CAMK2D: variants seen among roughly 807,000 people sequenced by gnomAD.
The protein encoded by CAMK2D is calcium/calmodulin-dependent protein kinase type II subunit delta.
In CAMK2D, 37 loss-of-function variants were observed where a neutral mutation model predicts 84.0. The observed-to-expected ratio is 0.44, with a 90% CI of 0.34 to 0.58. The LOEUF (loss-of-function observed/expected upper bound fraction) is 0.58, where lower values mean the gene tolerates loss of function less well. Among genes scored for constraint, CAMK2D ranks in the 20% least tolerant of loss-of-function variants. The pLI is 0.02. For missense variants in CAMK2D, 448 were observed against 652.5 expected (o/e 0.69, Z 3.41); for synonymous variants, 202 against 212.5 (o/e 0.95, Z 0.43).
At chr4:113,751,862 C>T (rs6824215) in intron 2 of CAMK2D, among the ~76,000 whole-genome samples, 2,400 of 151,950 alleles carry the variant, frequency 0.016, 72 homozygotes, top group African/African-American at 0.055. Context: ...ATAAATTAAG[C>T]ATTGCCTATA....
intron 3 of CAMK2D, among the ~76,000 whole-genome samples, chr4:113,657,739 C>T (rs555940042): frequency 6.6e-6 from 1 of 152,216 alleles, no homozygotes; most frequent in South Asian, 2.1e-4. Context: ...AAACCTTTTG[C>T]TTGCTGCAAG....
chr4:113,639,509 G>C (rs2099123716), intron 3 of CAMK2D, among the ~76,000 whole-genome samples: 1 of 152,136 alleles, frequency 6.6e-6, no homozygotes, highest in South Asian at 2.1e-4. Context: ...GAAAAAGGAA[G>C]CCCTGCACCA....
chr4:113,515,050 T>G lies in CAMK2D; in HGVS notation c.819+19A>C. 1 of 1,609,690 alleles carries G rather than the reference T, an allele frequency of 6.2e-7. No homozygotes were observed. The highest frequency in any genetic ancestry group is 1.1e-5 in the South Asian group (1 of 90,968). ...ATTTTTCATTTTAGTTCTTGAAGTTTTGGAGAAGTTTTACTTACACAGATC... is the reference window on the plus strand; with the variant it reads ...ATTTTTCATTTTAGTTCTTGAAGTTGTGGAGAAGTTTTACTTACACAGATC... On this transcript the variant is annotated intron_variant, in intron 10 of 20. Coordinates refer to ENST00000511664, the MANE Select transcript of CAMK2D (RefSeq NM_001321571.2).
intron 17 of CAMK2D, among the ~76,000 whole-genome samples, chr4:113,462,848 C>CAA (rs140068406): frequency 5.7e-5 from 8 of 141,490 alleles, no homozygotes; most frequent in East Asian, 4.1e-4. Context: ...AATGCTATTG[C>CAA]AAAAAAAAAA....
Position 113,458,504 on chromosome 4 carries a change from T to C in CAMK2D, c.1307-941A>G, listed in dbSNP as rs573202480. On this transcript the variant is annotated intron_variant, in intron 18 of 20. Transcript: ENST00000511664. ...ATGAAGGAATTATATTTATGGAACA[T>C]GATATATAGTGTTATACTGAAATAG... Among the ~76,000 whole-genome samples the C allele has an allele frequency of 1.6e-4, 25 of 152,310 alleles. No homozygotes were observed. The South Asian group carries it at 5.2e-3, about 32-fold the overall frequency.
At chr4:113,516,320 T>C (rs576451435) in intron 9 of CAMK2D, among the ~76,000 whole-genome samples, 163 of 152,340 alleles carry the variant, frequency 1.1e-3, no homozygotes, top group African/African-American at 3.8e-3. Context: ...CACACGAGGC[T>C]GTTTCTTAAT....
chr4:113,672,389 C>T (rs896624278), intron 2 of CAMK2D, among the ~76,000 whole-genome samples: 1 of 152,020 alleles, frequency 6.6e-6, no homozygotes, highest in Non-Finnish European at 1.5e-5. Context: ...GTTTGAGATA[C>T]TATGTATTTA....
chr4:113,571,876 A>G (rs758968606), intron 4 of CAMK2D, among the ~76,000 whole-genome samples: 1 of 152,242 alleles, frequency 6.6e-6, no homozygotes, highest in Non-Finnish European at 1.5e-5. Context: ...TTTAATTAAC[A>G]GAATACAGAC....
rs141383601 is a variant in CAMK2D, at chr4:113,753,870, G to C, written c.160+5450C>G. ...TCTTTAAATCAATACTATATGAAAG[G>C]CTTTCTTTATCTCCCTGGGCAGAAA... On this transcript the variant is annotated intron_variant, in intron 2 of 20. Transcript: ENST00000511664. 467 of 984,454 alleles carry C rather than the reference G, an allele frequency of 4.7e-4. No homozygotes were observed. In the African/African-American group the frequency reaches 7.8e-3, roughly 16 times the overall value. The allele number at this position is 984,454 out of a possible 1,614,324, so 61.0% of individuals were successfully genotyped here.
chr4:113,669,688 G>C (rs115598003), intron 2 of CAMK2D, among the ~76,000 whole-genome samples: 2,271 of 152,252 alleles, frequency 0.015, 36 homozygotes, highest in East Asian at 0.077. Context: ...CTGTCATTCT[G>C]TTAACATGGC....
chr4:113,629,814 A>T (rs1592189430), intron 3 of CAMK2D, among the ~76,000 whole-genome samples: 2 of 146,652 alleles, frequency 1.4e-5, no homozygotes, highest in African/African-American at 5.2e-5. Flanking sequence ...GAAAGGGAGG[A>T]AAAACAAATT....
At chr4:113,682,490 T>G (rs926244336) in intron 2 of CAMK2D, among the ~76,000 whole-genome samples, 1 of 152,064 alleles carries the variant, frequency 6.6e-6, no homozygotes, top group Non-Finnish European at 1.5e-5. Flanking sequence ...GACTTTTTCT[T>G]CTTTTGGATT....
At chr4:113,675,666 C>T (rs1430754548) in intron 2 of CAMK2D, among the ~76,000 whole-genome samples, 2 of 151,796 alleles carry the variant, frequency 1.3e-5, no homozygotes, top group African/African-American at 2.4e-5. Context: ...AAAAAACATG[C>T]GACTACTATG....
chr4:113,752,696 A>T (rs2099620061), intron 2 of CAMK2D, among the ~76,000 whole-genome samples: 1 of 152,126 alleles, frequency 6.6e-6, no homozygotes, highest in South Asian at 2.1e-4. Flanking sequence ...TCAGTTAATG[A>T]ATTAAGTTTA....
intron 2 of CAMK2D, chr4:113,754,533 T>C (rs1188847838): frequency 1.0e-6 from 1 of 962,336 alleles, no homozygotes; most frequent in Non-Finnish European, 1.2e-6. Flanking sequence ...ATTAATCTAA[T>C]TGTCTAAACA....
intron 2 of CAMK2D, among the ~76,000 whole-genome samples, chr4:113,686,857 T>C (rs1237339998): frequency 1.5e-5 from 2 of 129,930 alleles, no homozygotes; most frequent in African/African-American, 2.9e-5. Context: ...TACAGGTATG[T>C]GTATACACAC....
chr4:113,622,177 A>T (rs972279853), intron 3 of CAMK2D, among the ~76,000 whole-genome samples: 1 of 152,194 alleles, frequency 6.6e-6, no homozygotes, highest in Non-Finnish European at 1.5e-5. Context: ...TCCTTTCAAA[A>T]TGCAAATCTG....
chr4:113,739,142 A>G (rs2148894471), intron 2 of CAMK2D, among the ~76,000 whole-genome samples: 1 of 152,308 alleles, frequency 6.6e-6, no homozygotes, highest in East Asian at 1.9e-4. Context: ...ACTGAAATTC[A>G]ACATTCAAAA....
intron 4 of CAMK2D, among the ~76,000 whole-genome samples, chr4:113,553,155 T>A (rs1031598861): frequency 3.9e-5 from 6 of 152,142 alleles, no homozygotes; most frequent in African/African-American, 1.4e-4. Context: ...ATCCTCACAA[T>A]TGCCCGCCGA....
Sources: allele counts gnomAD v4.1 joint callset (sites outside exome capture counted in the v4.1 genomes callset), GRCh38; gene constraint gnomAD v4.1.1; transcripts MANE v1.5; gene names NCBI Gene and HGNC (gene_info 2026-07-23, HGNC 2026-07-21).